Variants in DYNLT5 observed in about 807,000 individuals in gnomAD.
DYNLT5 encodes the protein dynein light chain Tctex-type family member 5.
In DYNLT5, 25 loss-of-function variants were observed where a neutral mutation model predicts 19.3. The observed-to-expected ratio is 1.30, with a 90% CI of 0.95 to 1.81. DYNLT5 has a LOEUF of 1.81. DYNLT5 is among the 40% of genes most tolerant of loss of function. The probability of loss-of-function intolerance (pLI) is 0.00; values close to 1 mark genes in which losing one functional copy is unlikely to be tolerated. For missense variants in DYNLT5, 232 were observed against 217.9 expected (o/e 1.06, Z -0.41); for synonymous variants, 82 against 68.9 (o/e 1.19, Z -0.94).
chr1:66,769,125 A>T (rs758110262), intron 2 of DYNLT5, among the ~76,000 whole-genome samples: 7 of 152,168 alleles, frequency 4.6e-5, no homozygotes, highest in Non-Finnish European at 8.8e-5. Flanking sequence ...TGCCCACAAC[A>T]CCTGCAGCCA....
chr1:66,765,646 T>C (rs1209209658), intron 2 of DYNLT5, among the ~76,000 whole-genome samples: 1 of 151,490 alleles, frequency 6.6e-6, no homozygotes, highest in African/African-American at 2.4e-5. Flanking sequence ...TTTTCTTTTT[T>C]TTTTTTTTTG....
rs1645253093 is a variant in DYNLT5 at position 66,778,823 on chromosome 1, G to A, written c.*1369G>A. On this transcript the variant is annotated 3_prime_UTR_variant, in exon 5 of 5. Coordinates refer to ENST00000282670, the MANE Select transcript of DYNLT5 (RefSeq NM_152665.3). Reference sequence around the variant, plus strand: ...TTTTCACTTTTTTTTTTCTGTTAGTGCATTAGTGGGAATATGTCTATGTAA... The same window carrying A: ...TTTTCACTTTTTTTTTTCTGTTAGTACATTAGTGGGAATATGTCTATGTAA... The A allele has an allele frequency of 6.6e-6, 1 of 151,262 alleles. No individual in the cohort carries two copies. The highest frequency in any genetic ancestry group is 2.4e-5 in the African/African-American group (1 of 41,082). 9.4% of individuals were successfully genotyped at this position (151,262 alleles called of 1,614,324 possible). A position where few individuals can be genotyped will look rare whatever the true frequency, so the allele number is the denominator to read the frequency against.
At chr1:66,754,512 A>G (rs1022153937) in intron 1 of DYNLT5, 144 bp from the exon 2 acceptor site, 2 of 685,558 alleles carry the variant, frequency 2.9e-6, no homozygotes, top group African/African-American at 1.9e-5. Context: ...AACAAATTCT[A>G]TATATTGCTC....
At chr1:66,770,546 T>C in intron 3 of DYNLT5, 68 bp downstream of exon 3, 1 of 1,185,598 alleles carries the variant, frequency 8.4e-7, no homozygotes, top group Non-Finnish European at 1.3e-6. Flanking sequence ...TTAAAAATGA[T>C]ATTTGATAAC....
chr1:66,758,052 C>G (rs1229022585), intron 2 of DYNLT5, among the ~76,000 whole-genome samples: 1 of 152,096 alleles, frequency 6.6e-6, no homozygotes, highest in South Asian at 2.1e-4. Flanking sequence ...CTCCCCCATT[C>G]GACAAATGAA....
intron 3 of DYNLT5, 21 bp from the exon 4 acceptor site, chr1:66,776,258 A>G (rs1645233938): frequency 3.1e-6 from 5 of 1,608,788 alleles, no homozygotes; most frequent in Non-Finnish European, 3.4e-6. Flanking sequence ...TTTTAGAAAT[A>G]AATTTTATGT....
Position 66,759,474 on chromosome 1 carries a change from A to C in DYNLT5, c.119+4697A>C, listed in dbSNP as rs970823501. The stretch of plus-strand genomic sequence containing the variant: ...GGGCTTCTGCTCAACAAAGGATACA[A>C]TAGACATAATTAATAGGCTGGCTGA... On this transcript the variant is annotated intron_variant, in intron 2 of 4. Coordinates refer to ENST00000282670, the MANE Select transcript of DYNLT5 (RefSeq NM_152665.3). Among the ~76,000 whole-genome samples the C allele has an allele frequency of 3.3e-5, 5 of 152,318 alleles. No homozygotes were observed. In the East Asian group the frequency reaches 9.6e-4, roughly 29 times the overall value.
Position 66,777,476 on chromosome 1 carries a change from C to A in DYNLT5, c.*22C>A. On this transcript the variant is annotated 3_prime_UTR_variant, in exon 5 of 5. Transcript: ENST00000282670. ...GTGATTGAAAATAAGAAATCTAGCT[C>A]TTACTTTTGAAAATTCTGAGGCAGG... 1.2e-6 allele frequency: 2 copies of A among 1,603,288 alleles called. No homozygotes were observed. Among genetic ancestry groups the A allele is most frequent in the South Asian group, 2.2e-5 (2 of 90,130 alleles).
rs770494285 is a variant in DYNLT5, at chr1:66,776,290, C to T, written c.223C>T (p.His75Tyr). Reference protein sequence around the residue: ...ENTYQLGPPKHFPVVTVNHIL... With the variant: ...ENTYQLGPPKYFPVVTVNHIL... ...ATGTGTATTTTCAGGTCCTCCCAAA[C>T]ATTTTCCTGTGGTCACCGTCAATCA... The change falls in exon 4 of 5, where the codon CAT becomes TAT. Residue 75 changes from histidine to tyrosine, a missense_variant. His to Tyr is a moderately conservative substitution (Grantham distance 83). Coordinates refer to ENST00000282670, the MANE Select transcript of DYNLT5 (RefSeq NM_152665.3). 1 of 1,611,658 alleles carries T rather than the reference C, an allele frequency of 6.2e-7. No homozygotes were observed. Among genetic ancestry groups the T allele is most frequent in the Non-Finnish European group, 8.5e-7 (1 of 1,179,134 alleles).
chr1:66,769,795 G>C (rs954264790), intron 2 of DYNLT5, among the ~76,000 whole-genome samples: 1 of 152,060 alleles, frequency 6.6e-6, no homozygotes, highest in Admixed American at 6.6e-5. Context: ...ACCCTTTTTC[G>C]ATGTTGAAAA....
chr1:66,755,949 A>G (rs1384975824), intron 2 of DYNLT5, among the ~76,000 whole-genome samples: 1 of 152,174 alleles, frequency 6.6e-6, no homozygotes, highest in African/African-American at 2.4e-5. Flanking sequence ...TTACGTACCC[A>G]TGATATTTTT....
chr1:66,761,821 T>G (rs1263557378), intron 2 of DYNLT5, among the ~76,000 whole-genome samples: 4 of 152,162 alleles, frequency 2.6e-5, no homozygotes, highest in Non-Finnish European at 1.5e-5. Flanking sequence ...AAAATAAATT[T>G]TAAAGCTTGC....
rs535522056 is a variant in DYNLT5 at position 66,768,379 on chromosome 1, A to T, written c.120-2008A>T. 2.6e-5 allele frequency among the ~76,000 whole-genome samples: 4 copies of T among 152,236 alleles called. No homozygotes were observed. The South Asian group carries it at 8.3e-4, about 32-fold the overall frequency. ...TCTCTATGTTTTTCTGTATGTTTTG[A>T]ATTTGTAAAATGAGCATACACTGTT... On this transcript the variant is annotated intron_variant, in intron 2 of 4. Coordinates refer to ENST00000282670, the MANE Select transcript of DYNLT5 (RefSeq NM_152665.3).
intron 2 of DYNLT5, among the ~76,000 whole-genome samples, chr1:66,761,393 C>G (rs1435534754): frequency 1.3e-5 from 2 of 152,208 alleles, no homozygotes; most frequent in African/African-American, 4.8e-5. Context: ...AAGTTGTCAT[C>G]TTTTTGCTAG....
chr1:66,772,550 G>A (rs1027008769), intron 3 of DYNLT5, among the ~76,000 whole-genome samples: 3 of 152,202 alleles, frequency 2.0e-5, no homozygotes, highest in Admixed American at 2.0e-4. Context: ...CTATATCAGT[G>A]GGACTTTGGT....
chr1:66,752,717 C>T (rs543596920), intron 1 of DYNLT5, 133 bp downstream of exon 1: 3 of 514,448 alleles, frequency 5.8e-6, no homozygotes, highest in Non-Finnish European at 5.0e-6. Flanking sequence ...CTCCCCAACA[C>T]ATAAGAAAAA....
chr1:66,776,293 T>A lies in DYNLT5; in HGVS notation c.226T>A (p.Phe76Ile). ...TGTATTTTCAGGTCCTCCCAAACAT[T>A]TTCCTGTGGTCACCGTCAATCATAT... ...NTYQLGPPKH[F>I]PVVTVNHILK... The change falls in exon 4 of 5, where the codon TTT becomes ATT. Residue 76 changes from phenylalanine (F) to isoleucine (I), a missense_variant. By Grantham distance (21) the Phe-to-Ile change is conservative. Transcript: ENST00000282670. 6.2e-7 allele frequency: 1 copy of A among 1,612,162 alleles called. No individual in the cohort carries two copies. The highest frequency in any genetic ancestry group is 8.5e-7 in the Non-Finnish European group (1 of 1,179,284).
At chr1:66,754,319 T>G (rs2094632287) in intron 1 of DYNLT5, among the ~76,000 whole-genome samples, 1 of 152,222 alleles carries the variant, frequency 6.6e-6, no homozygotes, top group Non-Finnish European at 1.5e-5. Flanking sequence ...AATACAAATA[T>G]TGGTTTCTGA....
At chr1:66,774,405 A>AGTTTAC (rs1645222904) in intron 3 of DYNLT5, among the ~76,000 whole-genome samples, 3 of 26,390 alleles carry the variant, frequency 1.1e-4, no homozygotes, top group African/African-American at 2.3e-4. Flanking sequence ...TTTAAGAACC[A>AGTTTAC]CTTTCTAGAT....
Sources: gnomAD v4.1 joint callset for allele counts (sites outside exome capture counted in the v4.1 genomes callset) on GRCh38, gnomAD v4.1.1 for gene constraint, MANE v1.5 for transcripts, NCBI Gene and HGNC (gene_info 2026-07-23, HGNC 2026-07-21) for gene names.